Variants in PTH2R observed in about 807,000 individuals in gnomAD.
PTH2R encodes the protein PTH2 receptor.
PTH2R carries 59 observed loss-of-function variants against 60.3 expected under a neutral mutation model. The ratio of observed to expected loss-of-function variants is 0.98; its 90% CI spans 0.79 to 1.22. The LOEUF (loss-of-function observed/expected upper bound fraction) is 1.22, where lower values mean the gene tolerates loss of function less well. Among genes scored for constraint, PTH2R ranks in the 50% most tolerant of loss-of-function variants. The pLI is 0.00. For missense variants in PTH2R, 749 were observed against 682.6 expected, an observed-to-expected ratio of 1.10 and a Z score of -1.08; for synonymous variants, 256 against 243.8, an observed-to-expected ratio of 1.05 and a Z score of -0.47.
chr2:208,436,715 G>A (rs1041147562), intron 2 of PTH2R, among the ~76,000 whole-genome samples: 1 of 152,174 alleles, frequency 6.6e-6, no homozygotes, highest in Non-Finnish European at 1.5e-5. Context: ...GCTAATGTCT[G>A]GAGACATCCT....
chr2:208,372,086 T>C (rs1464905934), intron 1 of PTH2R, among the ~76,000 whole-genome samples: 1 of 152,058 alleles, frequency 6.6e-6, no homozygotes, highest in Non-Finnish European at 1.5e-5. Flanking sequence ...TACTCTCAGC[T>C]AATTTTTTGT....
intron 1 of PTH2R, among the ~76,000 whole-genome samples, chr2:208,365,169 G>A (rs1700553298): frequency 6.7e-6 from 1 of 149,670 alleles, no homozygotes; most frequent in South Asian, 2.1e-4. Flanking sequence ...GCTTTTTCTT[G>A]TCTAATTGCT....
At chr2:208,448,594 A>G (rs922211008) in intron 7 of PTH2R, among the ~76,000 whole-genome samples, 1 of 150,302 alleles carries the variant, frequency 6.7e-6, no homozygotes, top group Non-Finnish European at 1.5e-5. Context: ...GGATCATGCC[A>G]CTGCACTCCA....
intron 2 of PTH2R, among the ~76,000 whole-genome samples, chr2:208,432,892 C>G (rs1702001088): frequency 6.6e-6 from 1 of 152,166 alleles, no homozygotes. Flanking sequence ...AGGGTGCCCA[C>G]CCTCAATGAG....
intron 1 of PTH2R, 57 bp downstream of exon 1, chr2:208,407,175 C>CT (rs1701432873): frequency 5.1e-6 from 7 of 1,370,642 alleles, no homozygotes; most frequent in Non-Finnish European, 6.7e-6. Context: ...GGGGACTCAG[C>CT]TTTAGCGACA....
intron 1 of PTH2R, among the ~76,000 whole-genome samples, chr2:208,394,218 A>G (rs767293614): frequency 2.6e-5 from 4 of 152,220 alleles, no homozygotes; most frequent in African/African-American, 4.8e-5. Context: ...TCCCGAAGAT[A>G]GTAAGAAGGG....
chr2:208,393,323 T>G (rs755657059), intron 1 of PTH2R, among the ~76,000 whole-genome samples: 9 of 152,190 alleles, frequency 5.9e-5, no homozygotes, highest in Non-Finnish European at 7.3e-5. Context: ...GTGTGTTTTA[T>G]TAGTGCCTTT....
chr2:208,454,105 G>GC, intron 8 of PTH2R, among the ~76,000 whole-genome samples: 1 of 152,154 alleles, frequency 6.6e-6, no homozygotes, highest in Non-Finnish European at 1.5e-5. Context: ...TTTGGCCAGA[G>GC]CCCCCCAGTT....
intron 12 of PTH2R, among the ~76,000 whole-genome samples, chr2:208,492,751 A>C (rs1466485820): frequency 6.6e-6 from 1 of 152,142 alleles, no homozygotes; most frequent in East Asian, 1.9e-4. Context: ...AGCAAATAGT[A>C]AATTCTCCTG....
At chr2:208,365,215 T>C (rs62195333) in intron 1 of PTH2R, among the ~76,000 whole-genome samples, 1 of 152,150 alleles carries the variant, frequency 6.6e-6, no homozygotes, top group Non-Finnish European at 1.5e-5. Flanking sequence ...TGAATAGAAG[T>C]GTCCAGAACA....
At chr2:208,411,847 GA>G (rs1344387696) in intron 1 of PTH2R, among the ~76,000 whole-genome samples, 1 of 152,158 alleles carries the variant, frequency 6.6e-6, no homozygotes. Context: ...TCTACTCATA[GA>G]ATGTGAGTCT....
At position 208,459,137 on chromosome 2, in the gene PTH2R, A is replaced by C. The variant is rs558024981; in HGVS notation, c.915-758A>C. ...ATCTGTTATTTCTTGACTTTTTAGTAGTAGCCATTCTAACTGGTGTGAGAT... is the reference window on the plus strand; with the variant it reads ...ATCTGTTATTTCTTGACTTTTTAGTCGTAGCCATTCTAACTGGTGTGAGAT... On this transcript the variant is annotated intron_variant, in intron 8 of 12. Transcript: ENST00000272847. 3.7e-4 allele frequency among the ~76,000 whole-genome samples: 56 copies of C among 152,226 alleles called. No homozygotes were observed. In the South Asian group the frequency reaches 7.7e-3, roughly 21 times the overall value.
At chr2:208,427,674 A>G (rs1380264612) in intron 1 of PTH2R, among the ~76,000 whole-genome samples, 1 of 151,850 alleles carries the variant, frequency 6.6e-6, no homozygotes, top group Admixed American at 6.5e-5. Context: ...ATTTTAAATC[A>G]CAACAATATT....
chr2:208,389,263 C>G (rs1347490195), intron 1 of PTH2R, among the ~76,000 whole-genome samples: 1 of 150,150 alleles, frequency 6.7e-6, no homozygotes, highest in East Asian at 1.9e-4. Flanking sequence ...CACACACACA[C>G]ACACAATCTA....
chr2:208,471,244 T>C (rs1328608247), intron 9 of PTH2R, among the ~76,000 whole-genome samples: 1 of 152,240 alleles, frequency 6.6e-6, no homozygotes, highest in East Asian at 1.9e-4. Context: ...TTTGTATTAG[T>C]AACAAGGAGT....
chr2:208,479,168 T>G (rs1262706227), intron 9 of PTH2R, among the ~76,000 whole-genome samples: 1 of 152,138 alleles, frequency 6.6e-6, no homozygotes. Context: ...TGAACGTATC[T>G]TCTCAGTTAT....
At chr2:208,478,068 A>G (rs1222490162) in intron 9 of PTH2R, among the ~76,000 whole-genome samples, 3 of 151,718 alleles carry the variant, frequency 2.0e-5, no homozygotes, top group Admixed American at 6.6e-5. Flanking sequence ...TTTGCCTGGT[A>G]TAAAATGTCA....
Position 208,437,772 on chromosome 2 carries a change from G to C in PTH2R, c.302G>C (p.Arg101Pro). 6.2e-7 allele frequency: 1 copy of C among 1,612,566 alleles called. No homozygotes were observed. The highest frequency in any genetic ancestry group is 8.5e-7 in the Non-Finnish European group (1 of 1,178,722). Residue 101 changes from arginine to proline, a missense_variant, in exon 4 of 13, where the codon CGA becomes CCA. Coordinates refer to ENST00000272847, the MANE Select transcript of PTH2R (RefSeq NM_005048.4). ...YDFNHKGVAF[R>P]HCNPNGTWDF... is the part of the protein sequence containing the mutation. ...CATGTCTTTACAGGAGTTGCTTTCC[G>C]ACACTGTAACCCCAATGGAACATGG...
intron 9 of PTH2R, among the ~76,000 whole-genome samples, chr2:208,462,120 T>A (rs1009670543): frequency 6.6e-6 from 1 of 152,196 alleles, no homozygotes; most frequent in Non-Finnish European, 1.5e-5. Flanking sequence ...TTTAGTGTTA[T>A]CACAATTCCC....
Sources: allele counts gnomAD v4.1 joint callset (sites outside exome capture counted in the v4.1 genomes callset), GRCh38; gene constraint gnomAD v4.1.1; transcripts MANE v1.5; gene names NCBI Gene and HGNC (gene_info 2026-07-23, HGNC 2026-07-21).